Variants in FAM227B observed in about 807,000 individuals in gnomAD.
The protein encoded by FAM227B is protein FAM227B.
FAM227B carries 88 observed loss-of-function variants against 73.8 expected under a neutral mutation model. The ratio of observed to expected loss-of-function variants is 1.19; its 90% CI spans 1.00 to 1.42. FAM227B has a LOEUF of 1.42. Ranked by LOEUF, FAM227B falls within the 40% of genes most tolerant of loss-of-function variation. FAM227B has a pLI of 0.00. For missense variants in FAM227B, 632 were observed against 590.9 expected (o/e 1.07, Z -0.72); for synonymous variants, 210 against 190.5 (o/e 1.10, Z -0.84).
chr15:49,418,254 A>G (rs1214855606), intron 11 of FAM227B, among the ~76,000 whole-genome samples: 1 of 152,186 alleles, frequency 6.6e-6, no homozygotes, highest in African/African-American at 2.4e-5. Context: ...GAAGTGTGGC[A>G]ATTCCTCAAA....
intron 13 of FAM227B, chr15:49,353,470 C>T (rs1320055567): frequency 1.3e-5 from 2 of 152,080 alleles, no homozygotes; most frequent in African/African-American, 4.8e-5. Context: ...GATTTTTAGG[C>T]CTGTATGTTT....
rs1481009873 is a variant in FAM227B, at chr15:49,525,685, T to C, written c.874+15995A>G. ...GGAGAAATATATATATATATATATA[T>C]ATATATATATATATATATATATATA... On this transcript the variant is annotated intron_variant, in intron 10 of 15. Transcript: ENST00000299338. 2.3e-3 allele frequency among the ~76,000 whole-genome samples: 125 copies of C among 54,702 alleles called. 2 individuals carry two copies. The highest frequency in any genetic ancestry group is 8.4e-3 in the South Asian group (15 of 1,790). The allele number at this position is 54,702 out of a possible 152,430, so 35.9% of individuals were successfully genotyped here. A position where few individuals can be genotyped will look rare whatever the true frequency, so the allele number is the denominator to read the frequency against.
intron 1 of FAM227B, among the ~76,000 whole-genome samples, chr15:49,617,796 G>GTA (rs2078389478): frequency 6.6e-6 from 1 of 151,920 alleles, no homozygotes; most frequent in Admixed American, 6.6e-5. Flanking sequence ...GTGTGTGTGT[G>GTA]TGTGTGTGTG....
chr15:49,334,373 G>C (rs1008345145), intron 14 of FAM227B: 7 of 303,186 alleles, frequency 2.3e-5, no homozygotes, highest in African/African-American at 1.1e-4. Context: ...ACAATTTACT[G>C]ATATACACGT....
intron 11 of FAM227B, among the ~76,000 whole-genome samples, chr15:49,470,946 A>T (rs2054684742): frequency 6.6e-6 from 1 of 152,228 alleles, no homozygotes. Flanking sequence ...ACTGCAGCCC[A>T]CCTGGAACAT....
At chr15:49,401,565 G>A (rs1383489521) in intron 11 of FAM227B, among the ~76,000 whole-genome samples, 15 of 147,094 alleles carry the variant, frequency 1.0e-4, no homozygotes, top group African/African-American at 3.2e-4. Context: ...TGTTTATTGC[G>A]GCATTATTCA....
chr15:49,551,580 C>T (rs2073030974), intron 9 of FAM227B, among the ~76,000 whole-genome samples: 1 of 152,046 alleles, frequency 6.6e-6, no homozygotes, highest in Non-Finnish European at 1.5e-5. Flanking sequence ...GAGTTTAGTC[C>T]ACTTACACTC....
chr15:49,551,382 C>T (rs1259484737), intron 9 of FAM227B, among the ~76,000 whole-genome samples: 1 of 152,174 alleles, frequency 6.6e-6, no homozygotes, highest in Non-Finnish European at 1.5e-5. Flanking sequence ...CTTATAGTTT[C>T]TGTATTTAAG....
At chr15:49,525,702 AT>A (rs2060132956) in intron 10 of FAM227B, among the ~76,000 whole-genome samples, 3 of 71,298 alleles carry the variant, frequency 4.2e-5, no homozygotes, top group Non-Finnish European at 1.1e-4. Context: ...ATATATATAT[AT>A]ATATATATAT....
rs1430229104 is a variant in FAM227B at position 49,331,780 on chromosome 15, C to T, written c.1419G>A (p.Leu473=). The part of the protein sequence containing the change: ...KQDFEKFLHK[L]RSEAEIEREC... ...AATTATTTTCAGAAAGAAAACCTAC[C>T]AGTTTATGTAGGAACTTCTCAAAGT... Residue 473 remains leucine (L), a splice_region_variant and synonymous_variant, in exon 15 of 16, where the codon CTG becomes CTA. Coordinates refer to ENST00000299338, the MANE Select transcript of FAM227B (RefSeq NM_152647.3). 1 of 1,577,914 alleles carries T rather than the reference C, an allele frequency of 6.3e-7. No individual in the cohort carries two copies. Among genetic ancestry groups the T allele is most frequent in the Non-Finnish European group, 8.7e-7 (1 of 1,147,342 alleles).
At chr15:49,480,053 A>G (rs1431718815) in intron 11 of FAM227B, among the ~76,000 whole-genome samples, 1 of 152,212 alleles carries the variant, frequency 6.6e-6, no homozygotes, top group Non-Finnish European at 1.5e-5. Context: ...AGGACATGGA[A>G]CAAAATAGAC....
chr15:49,352,971 A>T (rs528112204), intron 13 of FAM227B, among the ~76,000 whole-genome samples: 10 of 152,200 alleles, frequency 6.6e-5, no homozygotes, highest in South Asian at 2.1e-4. Context: ...TCAACAGGTT[A>T]TTCTGGTAGT....
intron 11 of FAM227B, among the ~76,000 whole-genome samples, chr15:49,493,398 T>C (rs1194367134): frequency 1.3e-5 from 2 of 151,970 alleles, no homozygotes; most frequent in Admixed American, 6.6e-5. Context: ...CCTTAGACCA[T>C]TGTTCTCATG....
intron 11 of FAM227B, among the ~76,000 whole-genome samples, chr15:49,393,335 T>TG (rs1773852983): frequency 1.3e-5 from 2 of 152,256 alleles, no homozygotes; most frequent in African/African-American, 4.8e-5. Context: ...TGTGCTCTAA[T>TG]GGGAAAAATG....
In FAM227B at chr15:49,384,872, T is replaced by G. The variant is rs555466386; in HGVS notation, c.1013-13473A>C. On this transcript the variant is annotated intron_variant, in intron 11 of 15. Coordinates refer to ENST00000299338, the MANE Select transcript of FAM227B (RefSeq NM_152647.3). ...TTACTTTGACAAGATTTTTAATTGA[T>G]TGGGACATTTATTGGAACAATATTT... Among the ~76,000 whole-genome samples the G allele has an allele frequency of 2.1e-3, 315 of 152,168 alleles. 2 individuals are homozygous for G. Among genetic ancestry groups the G allele is most frequent in the African/African-American group, 7.3e-3 (305 of 41,546 alleles).
At chr15:49,365,136 T>C (rs2044908476) in intron 13 of FAM227B, 1 of 725,830 alleles carries the variant, frequency 1.4e-6, no homozygotes, top group African/African-American at 1.8e-5. Flanking sequence ...TGCTGGACAA[T>C]CTGTTCACCA....
At chr15:49,606,619 C>A (rs1057143801) in intron 3 of FAM227B, among the ~76,000 whole-genome samples, 2 of 152,170 alleles carry the variant, frequency 1.3e-5, no homozygotes, top group Non-Finnish European at 2.9e-5. Context: ...CCTCTTCTCC[C>A]TTTATGTGTG....
intron 11 of FAM227B, among the ~76,000 whole-genome samples, chr15:49,443,194 A>G (rs2051837009): frequency 6.6e-6 from 1 of 151,760 alleles, no homozygotes; most frequent in African/African-American, 2.4e-5. Context: ...CCATTATTAA[A>G]CATTTAATTA....
chr15:49,480,470 A>T (rs1422989708), intron 11 of FAM227B, among the ~76,000 whole-genome samples: 1 of 127,730 alleles, frequency 7.8e-6, no homozygotes, highest in African/African-American at 2.8e-5. Flanking sequence ...ACCATGCCCA[A>T]CTAATTTTTT....
Sources: gnomAD v4.1 joint callset for allele counts (sites outside exome capture counted in the v4.1 genomes callset) on GRCh38, gnomAD v4.1.1 for gene constraint, MANE v1.5 for transcripts, NCBI Gene and HGNC (gene_info 2026-07-23, HGNC 2026-07-21) for gene names.